The following CDH9 variants were observed in gnomAD, a reference collection of about 807,000 sequenced individuals.
CDH9 encodes the protein cadherin 9.
In CDH9, 28 loss-of-function variants were observed where a neutral mutation model predicts 70.9. The observed-to-expected ratio is 0.40, with a 90% CI of 0.29 to 0.54. The LOEUF is 0.54. Among genes scored for constraint, CDH9 ranks in the 20% least tolerant of loss-of-function variants. The pLI is 0.59. For synonymous variants in CDH9, 409 were observed against 343.1 expected (o/e 1.19, Z -2.12); for missense variants, 874 against 984.4 (o/e 0.89, Z 1.50).
intron 5 of CDH9, among the ~76,000 whole-genome samples, chr5:26,904,078 A>G (rs1740904357): frequency 6.6e-6 from 1 of 151,934 alleles, no homozygotes; most frequent in Admixed American, 6.6e-5. Context: ...TTTAGACTAT[A>G]GATGGTAGGC....
intron 1 of CDH9, among the ~76,000 whole-genome samples, chr5:27,007,530 C>T (rs1263417240): frequency 6.6e-6 from 1 of 151,880 alleles, no homozygotes; most frequent in Non-Finnish European, 1.5e-5. Flanking sequence ...TAAGAAAAAT[C>T]TCAACTTTTC....
chr5:26,971,300 T>C (rs191747642), intron 2 of CDH9, among the ~76,000 whole-genome samples: 1 of 152,296 alleles, frequency 6.6e-6, no homozygotes, highest in Non-Finnish European at 1.5e-5. Flanking sequence ...TCTCATAGAA[T>C]ACAAACGAAG....
In CDH9 at chr5:26,996,363, G is replaced by A. The variant is rs191519666; in HGVS notation, c.-49-7981C>T. Among the ~76,000 whole-genome samples the A allele has an allele frequency of 4.4e-3, 668 of 151,940 alleles. 5 individuals carry two copies. Among genetic ancestry groups the A allele is most frequent in the African/African-American group, 0.015 (636 of 41,502 alleles). ...TTTTCAAATAATATTTCTGAGGTTT[G>A]GATAGATGAAACAAATGATTTCTCA... On this transcript the variant is annotated intron_variant, in intron 1 of 11. Coordinates refer to ENST00000231021, the MANE Select transcript of CDH9 (RefSeq NM_016279.4).
intron 2 of CDH9, among the ~76,000 whole-genome samples, chr5:26,985,121 C>A (rs1038683438): frequency 6.6e-6 from 1 of 152,226 alleles, no homozygotes; most frequent in African/African-American, 2.4e-5. Flanking sequence ...AACAACCAAT[C>A]CTAGAATTCT....
chr5:26,949,787 T>A (rs1330175137), intron 2 of CDH9, among the ~76,000 whole-genome samples: 1 of 152,160 alleles, frequency 6.6e-6, no homozygotes, highest in Non-Finnish European at 1.5e-5. Flanking sequence ...AAGTATCTCT[T>A]TTGTAGGAGA....
chr5:27,030,747 T>C (rs1315679444), intron 1 of CDH9, among the ~76,000 whole-genome samples: 1 of 151,546 alleles, frequency 6.6e-6, no homozygotes, highest in African/African-American at 2.4e-5. Flanking sequence ...AACAAAAAAA[T>C]ACAGAAGGAG....
At position 26,880,879 on chromosome 5, in the gene CDH9, A is replaced by T. The variant is rs1284210820; in HGVS notation, c.*257T>A. On this transcript the variant is annotated 3_prime_UTR_variant, in exon 12 of 12. Coordinates refer to ENST00000231021, the MANE Select transcript of CDH9 (RefSeq NM_016279.4). ...AAAAGCCTTTTACTTATTTTTATTG[A>T]TTATTGATGTGATATATTTTCCTTC... 1.0e-5 allele frequency: 3 copies of T among 294,566 alleles called. No homozygotes were observed. 18.2% of individuals were successfully genotyped at this position (294,566 alleles called of 1,614,324 possible).
intron 1 of CDH9, among the ~76,000 whole-genome samples, chr5:26,995,277 A>G (rs760574104): frequency 1.3e-5 from 2 of 152,178 alleles, no homozygotes; most frequent in Non-Finnish European, 2.9e-5. Flanking sequence ...ACATTGACTT[A>G]ACATTCCAGT....
intron 2 of CDH9, among the ~76,000 whole-genome samples, chr5:26,934,152 A>G (rs1441221148): frequency 1.3e-5 from 2 of 152,098 alleles, no homozygotes; most frequent in African/African-American, 2.4e-5. Context: ...TTCAACAACC[A>G]GTTCTTGATG....
chr5:26,952,920 A>AAAAAG (rs1741878235), intron 2 of CDH9, among the ~76,000 whole-genome samples: 3 of 119,804 alleles, frequency 2.5e-5, no homozygotes, highest in Admixed American at 7.6e-5. Context: ...AAAAAAAAAA[A>AAAAAG]AAGTTTAAAG....
At chr5:27,026,266 T>C (rs767888424) in intron 1 of CDH9, among the ~76,000 whole-genome samples, 2 of 152,002 alleles carry the variant, frequency 1.3e-5, no homozygotes, top group African/African-American at 2.4e-5. Flanking sequence ...GAGATAAGCA[T>C]AATATAACAA....
At chr5:26,997,911 G>T (rs146530792) in intron 1 of CDH9, among the ~76,000 whole-genome samples, 1 of 152,114 alleles carries the variant, frequency 6.6e-6, no homozygotes, top group African/African-American at 2.4e-5. Context: ...TGTTAGCCCG[G>T]ATGGTCTCGA....
At chr5:26,961,710 C>G (rs932849990) in intron 2 of CDH9, among the ~76,000 whole-genome samples, 3 of 152,072 alleles carry the variant, frequency 2.0e-5, no homozygotes, top group African/African-American at 7.2e-5. Flanking sequence ...ACCTACCAAC[C>G]TGTATGCAAT....
intron 2 of CDH9, among the ~76,000 whole-genome samples, chr5:26,919,444 T>A (rs1174028851): frequency 6.6e-6 from 1 of 152,122 alleles, no homozygotes; most frequent in Non-Finnish European, 1.5e-5. Flanking sequence ...CCTGCTACCA[T>A]GGGCTAAAGG....
intron 2 of CDH9, among the ~76,000 whole-genome samples, chr5:26,959,665 C>T (rs1742001627): frequency 6.6e-6 from 1 of 152,062 alleles, no homozygotes; most frequent in Non-Finnish European, 1.5e-5. Flanking sequence ...TGGAATATTA[C>T]TCAACCTTAA....
rs376594936 is a variant in CDH9, at chr5:26,998,569, G to A, written c.-49-10187C>T. Among the ~76,000 whole-genome samples, 14 of 152,086 alleles carry A rather than the reference G, an allele frequency of 9.2e-5. 1 individual carries two copies. Among genetic ancestry groups the A allele is most frequent in the African/African-American group, 2.4e-4 (10 of 41,482 alleles). The stretch of plus-strand genomic sequence containing the variant: ...CACAGGAAGGGGAACATCACACACC[G>A]GGGTCTGTTGTGGGGTGGGGAGACG... On this transcript the variant is annotated intron_variant, in intron 1 of 11. Transcript: ENST00000231021.
At chr5:26,980,853 G>A (rs1742387029) in intron 2 of CDH9, among the ~76,000 whole-genome samples, 1 of 152,000 alleles carries the variant, frequency 6.6e-6, no homozygotes, top group East Asian at 1.9e-4. Context: ...ATTTATAATA[G>A]AGAAATTCTT....
At chr5:26,925,568 T>G (rs1431701528) in intron 2 of CDH9, among the ~76,000 whole-genome samples, 1 of 152,182 alleles carries the variant, frequency 6.6e-6, no homozygotes, top group Non-Finnish European at 1.5e-5. Flanking sequence ...ATCCCATTTG[T>G]CTATTTTGGC....
intron 1 of CDH9, among the ~76,000 whole-genome samples, chr5:27,031,675 T>C (rs1743312643): frequency 6.6e-6 from 1 of 151,910 alleles, no homozygotes; most frequent in African/African-American, 2.4e-5. Context: ...GCTTTATCTG[T>C]CAACTAGCAA....
Sources: gnomAD v4.1 joint callset for allele counts (sites outside exome capture counted in the v4.1 genomes callset) on GRCh38, gnomAD v4.1.1 for gene constraint, MANE v1.5 for transcripts, NCBI Gene and HGNC (gene_info 2026-07-23, HGNC 2026-07-21) for gene names.